Variants in AKR1E2 observed in about 807,000 individuals in gnomAD.
AKR1E2 encodes aldo-keto reductase family 1 member E2.
AKR1E2 carries 43 observed loss-of-function variants against 41.9 expected under a neutral mutation model. The ratio of observed to expected loss-of-function variants is 1.03; its 90% confidence interval spans 0.80 to 1.32. AKR1E2 has a LOEUF of 1.32. AKR1E2 is among the 40% of genes most tolerant of loss of function. AKR1E2 has a pLI of 0.00. For missense variants in AKR1E2, 423 were observed against 396.5 expected, an observed-to-expected ratio of 1.07 and a Z score of -0.57; for synonymous variants, 121 against 138.9, an observed-to-expected ratio of 0.87 and a Z score of 0.91.
chr10:4,842,890 G>T (rs1834001423), intron 8 of AKR1E2, among the ~76,000 whole-genome samples: 1 of 152,162 alleles, frequency 6.6e-6, no homozygotes, highest in Non-Finnish European at 1.5e-5. Context: ...TTGGTGGACA[G>T]GTCACCACCT....
rs75023955 is a variant in AKR1E2, at chr10:4,842,234, C to G, written c.754-187C>G. 0.02 allele frequency among the ~76,000 whole-genome samples: 3,077 copies of G among 152,314 alleles called. 99 individuals carry two copies. Among genetic ancestry groups the G allele is most frequent in the African/African-American group, 0.071 (2,940 of 41,560 alleles). The stretch of plus-strand genomic sequence containing the variant: ...ATTCTCATTAAGCAGATTCTCTGAT[C>G]TCCTCCTTGGGCTGATGGCTGTCAT... On this transcript the variant is annotated intron_variant, in intron 7 of 9. Coordinates refer to ENST00000298375, the MANE Select transcript of AKR1E2 (RefSeq NM_001040177.3).
chr10:4,831,985 G>A (rs1833006711), intron 2 of AKR1E2, among the ~76,000 whole-genome samples: 1 of 152,218 alleles, frequency 6.6e-6, no homozygotes, highest in African/African-American at 2.4e-5. Flanking sequence ...GGCCTGCACT[G>A]GCACAGTGGG....
chr10:4,869,106 A>G, the AKR1E2 span, among the ~76,000 whole-genome samples: 3 of 152,164 alleles, frequency 2.0e-5, no homozygotes, highest in African/African-American at 7.2e-5. Flanking sequence ...GCGATTGTAT[A>G]GAATTGGTGT....
At chr10:4,828,671 T>C (rs1588430975) in intron 1 of AKR1E2, among the ~76,000 whole-genome samples, 1 of 152,238 alleles carries the variant, frequency 6.6e-6, no homozygotes, top group South Asian at 2.1e-4. Flanking sequence ...ACCTTTGTAA[T>C]GTTAAATCTT....
chr10:4,861,047 A>G, the AKR1E2 span, among the ~76,000 whole-genome samples: 106 of 152,288 alleles, frequency 7.0e-4, no homozygotes, highest in African/African-American at 2.4e-3. Context: ...CTCCTCTGAT[A>G]TGCTCTTGGT....
At chr10:4,827,241 G>A (rs1398154445) in intron 1 of AKR1E2, among the ~76,000 whole-genome samples, 1 of 152,066 alleles carries the variant, frequency 6.6e-6, no homozygotes, top group Non-Finnish European at 1.5e-5. Flanking sequence ...GTTTTGAGCC[G>A]TGTATACAAT....
At chr10:4,858,823 A>ATT in the AKR1E2 span, among the ~76,000 whole-genome samples, 5,073 of 131,932 alleles carry the variant, frequency 0.038, 159 homozygotes, top group East Asian at 0.078. Flanking sequence ...AGGAATTTGG[A>ATT]TTTTTTTTTT....
chr10:4,844,539 C>A (rs531199762), intron 8 of AKR1E2, among the ~76,000 whole-genome samples: 2 of 152,138 alleles, frequency 1.3e-5, no homozygotes, highest in African/African-American at 4.8e-5. Flanking sequence ...TACAGAGAGC[C>A]GAGTGGTCTG....
the AKR1E2 span, among the ~76,000 whole-genome samples, chr10:4,863,147 C>G: frequency 2.0e-5 from 3 of 152,212 alleles, no homozygotes; most frequent in Admixed American, 6.5e-5. Flanking sequence ...CCCAAATCAA[C>G]AGAATATACA....
At chr10:4,872,714 A>T in the AKR1E2 span, among the ~76,000 whole-genome samples, 2 of 152,174 alleles carry the variant, frequency 1.3e-5, no homozygotes, top group African/African-American at 4.8e-5. Flanking sequence ...ACAAAACAAA[A>T]ACCCTGCCCT....
intron 5 of AKR1E2, among the ~76,000 whole-genome samples, chr10:4,838,286 C>G (rs1181317528): frequency 6.6e-6 from 1 of 152,172 alleles, no homozygotes; most frequent in Non-Finnish European, 1.5e-5. Flanking sequence ...GAACTTTACA[C>G]AGGTAAAATA....
chr10:4,843,766 T>A (rs1180122394), intron 8 of AKR1E2, among the ~76,000 whole-genome samples: 5 of 152,198 alleles, frequency 3.3e-5, no homozygotes, highest in Non-Finnish European at 5.9e-5. Flanking sequence ...AGGTTCCTCA[T>A]GGTGTCTACA....
chr10:4,845,858 C>T (rs768502239), intron 8 of AKR1E2: 4 of 470,446 alleles, frequency 8.5e-6, no homozygotes, highest in South Asian at 3.1e-5. Flanking sequence ...GGGCCAAAGC[C>T]GAAGTGATCT....
upstream of AKR1E2, among the ~76,000 whole-genome samples, chr10:4,825,740 C>CA: frequency 6.6e-6 from 1 of 152,320 alleles, no homozygotes; most frequent in South Asian, 2.1e-4. Flanking sequence ...CACTCCCGCG[C>CA]ACCCTGTGCC....
In AKR1E2 at chr10:4,842,529, G is replaced by A. The variant is rs12570011; in HGVS notation, c.837+25G>A. 68,180 of 1,608,042 alleles carry A rather than the reference G, an allele frequency of 0.042. 1,818 individuals carry two copies. Among genetic ancestry groups the A allele is most frequent in the East Asian group, 0.12 (5,507 of 44,758 alleles). On this transcript the variant is annotated intron_variant, in intron 8 of 9. Transcript: ENST00000298375. ...GGTAGGTGTATTCCTTCTTTTATTTGGCGGGTTTCAGATCATGTGTTAGAT... is the reference window on the plus strand; with the variant it reads ...GGTAGGTGTATTCCTTCTTTTATTTAGCGGGTTTCAGATCATGTGTTAGAT...
At position 4,846,008 on chromosome 10, in the gene AKR1E2, G is replaced by A. The variant is rs755228696; in HGVS notation, c.838-1140G>A. 4.9e-5 allele frequency: 19 copies of A among 388,552 alleles called. 1 individual carries two copies. Among genetic ancestry groups the A allele is most frequent in the African/African-American group, 2.7e-4 (13 of 48,248 alleles). 24.1% of individuals were successfully genotyped at this position (388,552 alleles called of 1,614,324 possible). On this transcript the variant is annotated intron_variant, in intron 8 of 9. Transcript: ENST00000298375. ...CCAGTGCAGGGGGCTGCCCCGGCCC[G>A]CCCCCTGTGGCCCCAGTGCCGCTCA...
chr10:4,841,755 G>A, intron 6 of AKR1E2, 30 bp from the exon 7 acceptor site: 1 of 1,472,988 alleles, frequency 6.8e-7, no homozygotes, highest in Non-Finnish European at 9.1e-7. Flanking sequence ...TGGATCTCCT[G>A]GCTCACTCCC....
Position 4,826,322 on chromosome 10 carries a change from G to T in AKR1E2, c.-3G>T. 1.6e-6 allele frequency: 2 copies of T among 1,234,206 alleles called. No individual in the cohort carries two copies. Among genetic ancestry groups the T allele is most frequent in the Non-Finnish European group, 1.0e-6 (1 of 987,532 alleles). The allele number at this position is 1,234,206 out of a possible 1,614,324, so 76.5% of individuals were successfully genotyped here. On this transcript the variant is annotated 5_prime_UTR_variant, in exon 1 of 10. Transcript: ENST00000298375. Reference sequence around the variant, plus strand: ...CGGGGCGGCGGGGCGGCCGGCGGCGGCCATGGGAGATATCCCAGCCGTGGG... The same window carrying T: ...CGGGGCGGCGGGGCGGCCGGCGGCGTCCATGGGAGATATCCCAGCCGTGGG...
At chr10:4,832,637 A>G (rs538934848) in intron 2 of AKR1E2, among the ~76,000 whole-genome samples, 21 of 152,232 alleles carry the variant, frequency 1.4e-4, no homozygotes, top group Non-Finnish European at 2.1e-4. Flanking sequence ...GTGATTAACA[A>G]TGGAATACAT....
Sources: gnomAD v4.1 joint callset for allele counts (sites outside exome capture counted in the v4.1 genomes callset) on GRCh38, gnomAD v4.1.1 for gene constraint, MANE v1.5 for transcripts, NCBI Gene and HGNC (gene_info 2026-07-23, HGNC 2026-07-21) for gene names.